Variants in RB1 observed in about 807,000 individuals in gnomAD.
RB1 encodes retinoblastoma-associated protein.
Under a neutral mutation model 135.4 loss-of-function variants are expected in RB1, and 18 were observed. The observed-to-expected ratio is 0.13, with a 90% confidence interval of 0.09 to 0.20. RB1 has a LOEUF of 0.20. Among genes scored for constraint, RB1 ranks in the 10% least tolerant of loss-of-function variants. RB1 has a pLI of 1.00. For missense variants in RB1, 868 were observed against 1,110.0 expected (o/e 0.78, Z 3.10); for synonymous variants, 365 against 373.2 (o/e 0.98, Z 0.25).
At chr13:48,316,200 G>GT (rs1024157434) in intron 2 of RB1, among the ~76,000 whole-genome samples, 114 of 148,378 alleles carry the variant, frequency 7.7e-4, no homozygotes, top group African/African-American at 2.6e-3. Context: ...GCTTTAAATC[G>GT]TTTTTTCCAG....
rs143290024 is a variant in RB1 at position 48,338,659 on chromosome 13, G to T, written c.265-3940G>T. 3.3e-5 allele frequency among the ~76,000 whole-genome samples: 5 copies of T among 152,288 alleles called. No individual in the cohort carries two copies. The East Asian group carries it at 9.7e-4, about 29-fold the overall frequency. ...TTAGCTCGGAGAAGTTTGATCATCTGAAGCCTTCTTCTTTCAAATCGTCAA... is the reference window on the plus strand; with the variant it reads ...TTAGCTCGGAGAAGTTTGATCATCTTAAGCCTTCTTCTTTCAAATCGTCAA... On this transcript the variant is annotated intron_variant, in intron 2 of 26. Coordinates refer to ENST00000267163, the MANE Select transcript of RB1 (RefSeq NM_000321.3).
intron 11 of RB1, among the ~76,000 whole-genome samples, chr13:48,371,002 C>T (rs1267856008): frequency 1.3e-5 from 2 of 152,168 alleles, no homozygotes; most frequent in Non-Finnish European, 2.9e-5. Context: ...GGGTCAAAGA[C>T]CAAACATCTA....
intron 10 of RB1, among the ~76,000 whole-genome samples, chr13:48,367,809 A>G (rs1419993828): frequency 1.3e-5 from 2 of 152,208 alleles, no homozygotes; most frequent in African/African-American, 2.4e-5. Context: ...TGTGTGTCCT[A>G]TAACAGTTAC....
chr13:48,304,555 G>A lies in RB1; in HGVS notation c.137+506G>A, dbSNP rs184112372. Among the ~76,000 whole-genome samples, 172 of 152,204 alleles carry A rather than the reference G, an allele frequency of 1.1e-3. 2 individuals are homozygous for A. The highest frequency in any genetic ancestry group is 9.8e-3 in the Admixed American group (150 of 15,294). ...GGGAGAGGCCGACCAGAAAGCCTTG[G>A]ACAAGAAGCGCAGGGTCCTGAGTGT... On this transcript the variant is annotated intron_variant, in intron 1 of 26. Coordinates refer to ENST00000267163, the MANE Select transcript of RB1 (RefSeq NM_000321.3).
chr13:48,390,652 A>G (rs1948604535), intron 17 of RB1, among the ~76,000 whole-genome samples: 1 of 152,156 alleles, frequency 6.6e-6, no homozygotes, highest in East Asian at 1.9e-4. Context: ...TAGGTGCATA[A>G]AGCATTAGAT....
intron 17 of RB1, chr13:48,439,955 G>GT (rs1949220568): frequency 2.0e-5 from 3 of 151,586 alleles, no homozygotes; most frequent in Admixed American, 1.3e-4. Context: ...GAGGAGATTA[G>GT]ATAGATACAT....
chr13:48,317,681 G>C, intron 2 of RB1: 1 of 544,386 alleles, frequency 1.8e-6, no homozygotes. Flanking sequence ...CTCCTGGGCG[G>C]TGCCGGATCC....
intron 11 of RB1, among the ~76,000 whole-genome samples, chr13:48,370,939 A>G (rs1952751777): frequency 6.6e-6 from 1 of 152,192 alleles, no homozygotes; most frequent in African/African-American, 2.4e-5. Context: ...TTAGCACACA[A>G]AAGGACATCA....
At chr13:48,358,436 A>G (rs1419728917) in intron 6 of RB1, among the ~76,000 whole-genome samples, 1 of 152,108 alleles carries the variant, frequency 6.6e-6, no homozygotes, top group Non-Finnish European at 1.5e-5. Flanking sequence ...GAGCTATGGT[A>G]TGGGAGCAGG....
intron 17 of RB1, chr13:48,445,345 T>A (rs1055303120): frequency 6.6e-6 from 1 of 152,226 alleles, no homozygotes; most frequent in Non-Finnish European, 1.5e-5. Flanking sequence ...ACAGAGTTTC[T>A]GTTGTAATTG....
intron 13 of RB1, among the ~76,000 whole-genome samples, chr13:48,377,870 C>T (rs1379609935): frequency 6.6e-6 from 1 of 152,118 alleles, no homozygotes; most frequent in Non-Finnish European, 1.5e-5. Flanking sequence ...AGGCTACAGG[C>T]CTCTACAGCA....
At chr13:48,373,371 G>T (rs1189510593) in intron 11 of RB1, 34 bp from the exon 12 acceptor site, 5 of 1,313,684 alleles carry the variant, frequency 3.8e-6, no homozygotes, top group Non-Finnish European at 5.5e-6. Context: ...TCCCTTCATT[G>T]CTTAACACAT....
Position 48,481,115 on chromosome 13 carries a change from T to A in RB1, c.*1044T>A, listed in dbSNP as rs1043605723. ...CTCCTTAATTTGGGAAGGTTTGTGT[T>A]TTCTCTGGAATGGTACATGTCTTCC... On this transcript the variant is annotated 3_prime_UTR_variant, in exon 27 of 27. Transcript: ENST00000267163. 2.7e-4 allele frequency: 62 copies of A among 230,826 alleles called. 1 individual carries two copies. The highest frequency in any genetic ancestry group is 4.9e-4 in the Non-Finnish European group (57 of 116,352). The allele number at this position is 230,826 out of a possible 1,614,324, so 14.3% of individuals were successfully genotyped here. A position where few individuals can be genotyped will look rare whatever the true frequency, so the allele number is the denominator to read the frequency against.
At chr13:48,313,370 A>ATT (rs397816366) in intron 2 of RB1, among the ~76,000 whole-genome samples, 38 of 139,558 alleles carry the variant, frequency 2.7e-4, no homozygotes, top group South Asian at 6.7e-4. Context: ...CCAGTTTTCT[A>ATT]TTTTTTTTTT....
At chr13:48,446,672 A>C (rs1340503439) in intron 17 of RB1, among the ~76,000 whole-genome samples, 1 of 152,146 alleles carries the variant, frequency 6.6e-6, no homozygotes, top group Non-Finnish European at 1.5e-5. Context: ...CATAGGAAGC[A>C]TGGTCAAAGA....
intron 17 of RB1, chr13:48,426,972 G>A (rs1949088525): frequency 6.6e-6 from 1 of 152,502 alleles, no homozygotes; most frequent in South Asian, 2.1e-4. Flanking sequence ...ATGTCACGTG[G>A]TGACAATAGG....
intron 20 of RB1, among the ~76,000 whole-genome samples, chr13:48,461,316 A>T (rs1380210525): frequency 6.6e-6 from 1 of 152,186 alleles, no homozygotes; most frequent in Non-Finnish European, 1.5e-5. Flanking sequence ...TTCAAGGTTC[A>T]TCTGTATTGT....
intron 2 of RB1, chr13:48,328,674 A>C: frequency 4.2e-6 from 2 of 476,088 alleles, no homozygotes; most frequent in Non-Finnish European, 7.6e-6. Context: ...AACTTTCTCC[A>C]CCCCCAGCTC....
At chr13:48,322,322 G>A (rs1339297620) in intron 2 of RB1, among the ~76,000 whole-genome samples, 1 of 152,078 alleles carries the variant, frequency 6.6e-6, no homozygotes. Context: ...CACATAGGTT[G>A]TTTCCATATT....
Sources: allele counts gnomAD v4.1 joint callset (sites outside exome capture counted in the v4.1 genomes callset), GRCh38; gene constraint gnomAD v4.1.1; transcripts MANE v1.5; gene names NCBI Gene and HGNC (gene_info 2026-07-23, HGNC 2026-07-21).